The following COL11A2 variants were observed in gnomAD, a reference collection of about 807,000 sequenced individuals.
COL11A2 encodes the protein collagen alpha-2(XI) chain.
COL11A2 carries 116 observed loss-of-function variants against 273.4 expected under a neutral mutation model. The observed-to-expected ratio is 0.42, with a 90% CI of 0.36 to 0.49. COL11A2 has a LOEUF of 0.49. COL11A2 is among the 20% of genes least tolerant of loss of function. COL11A2 has a pLI of 0.00. For synonymous variants in COL11A2, 782 were observed against 864.2 expected, an observed-to-expected ratio of 0.90 and a Z score of 1.67; for missense variants, 1,866 against 2,309.0, an observed-to-expected ratio of 0.81 and a Z score of 3.93.
At position 33,189,748 on chromosome 6, in the gene COL11A2, A is replaced by G. The variant is rs1351443190; in HGVS notation, c.83-279T>C. Among the ~76,000 whole-genome samples the G allele has an allele frequency of 6.6e-6, 1 of 152,120 alleles. No homozygotes were observed. The highest frequency in any genetic ancestry group is 6.5e-5 in the Admixed American group (1 of 15,278). On this transcript the variant is annotated intron_variant, in intron 1 of 65. Transcript: ENST00000341947. The surrounding 1 kb of genome is among the most constrained non-coding windows in gnomAD (Gnocchi z 5.6). ...ACGCTCTCTCTTTGTCTTTTAGCTT[A>G]TGAATCTGTCTCTCTCTGTACTCTC...
In COL11A2 at chr6:33,167,727, T is replaced by C. The variant is rs765775653; in HGVS notation, c.4014+72A>G. The C allele has an allele frequency of 1.6e-5, 26 of 1,576,288 alleles. No individual in the cohort carries two copies. Among genetic ancestry groups the C allele is most frequent in the Non-Finnish European group, 2.3e-5 (26 of 1,150,752 alleles). Reference sequence around the variant, plus strand: ...GGGAGAGGTGGAGATGGGGTGGGCATCTGGAGACGGAGGCATCTGAGGGGT... The same window carrying C: ...GGGAGAGGTGGAGATGGGGTGGGCACCTGGAGACGGAGGCATCTGAGGGGT... On this transcript the variant is annotated intron_variant, in intron 55 of 65. Coordinates refer to ENST00000341947, the MANE Select transcript of COL11A2 (RefSeq NM_080680.3). The surrounding 1 kb of genome is among the most constrained non-coding windows in gnomAD (Gnocchi z 6.1).
rs779852382 is a variant in COL11A2, at chr6:33,169,056, A to G, written c.3799-48T>C. ...GTCAGGGTCACAGCTCCCTAAGCCC[A>G]CCCAGCACAGACGCCCACAGGCACA... is the stretch of plus-strand genomic sequence containing the variant. On this transcript the variant is annotated intron_variant, in intron 51 of 65. Coordinates refer to ENST00000341947, the MANE Select transcript of COL11A2 (RefSeq NM_080680.3). The surrounding 1 kb of genome is among the most constrained non-coding windows in gnomAD (Gnocchi z 5.5). 34 of 1,551,906 alleles carry G rather than the reference A, an allele frequency of 2.2e-5. No homozygotes were observed. The highest frequency in any genetic ancestry group is 2.8e-5 in the Non-Finnish European group (32 of 1,147,200).
chr6:33,180,662 C>T lies in COL11A2; in HGVS notation c.1284+6G>A, dbSNP rs763765791. 6 of 1,604,396 alleles carry T rather than the reference C, an allele frequency of 3.7e-6. No individual in the cohort carries two copies. Among genetic ancestry groups the T allele is most frequent in the South Asian group, 2.2e-5 (2 of 89,616 alleles). ...CTCCCCCGTCACATGGAGGACACCC[C>T]CTTACCCTCTCTCCAGGGTCTCCAA... On this transcript the variant is annotated splice_donor_region_variant and intron_variant, in intron 11 of 65. Coordinates refer to ENST00000341947, the MANE Select transcript of COL11A2 (RefSeq NM_080680.3).
rs746790889 is a variant in COL11A2, at chr6:33,173,570, G to C, written c.2629-15C>G. On this transcript the variant is annotated splice_polypyrimidine_tract_variant and intron_variant, in intron 35 of 65. Coordinates refer to ENST00000341947, the MANE Select transcript of COL11A2 (RefSeq NM_080680.3). The surrounding 1 kb of genome is among the most constrained non-coding windows in gnomAD (Gnocchi z 6.3). ...CCAGGGAGGCCCTAGAGACAGAGGT[G>C]GGGGGAGTCAGGAGAATGGGGGCAG... 26 of 1,479,708 alleles carry C rather than the reference G, an allele frequency of 1.8e-5. No individual in the cohort carries two copies. In the Admixed American group the frequency reaches 2.3e-4, roughly 13 times the overall value. 91.7% of individuals were successfully genotyped at this position (1,479,708 alleles called of 1,614,324 possible).
intron 7 of COL11A2, among the ~76,000 whole-genome samples, 190 bp downstream of exon 7, chr6:33,184,802 C>T (rs567780303): frequency 7.9e-5 from 12 of 152,262 alleles, no homozygotes; most frequent in East Asian, 7.7e-4. Flanking sequence ...CTGAAGGGAA[C>T]GGGCTGGACT....
rs1771449333 is a variant in COL11A2 at position 33,179,634 on chromosome 6, G to A, written c.1446+85C>T. ...TCCCTGTTAACCCCAAACCAACCCA[G>A]GCCTCCCCTGCCGCACACTCACTCC... On this transcript the variant is annotated intron_variant, in intron 13 of 65. Transcript: ENST00000341947. The surrounding 1 kb of genome is among the most constrained non-coding windows in gnomAD (Gnocchi z 6.4). 1.3e-6 allele frequency: 2 copies of A among 1,536,210 alleles called. No homozygotes were observed. Among genetic ancestry groups the A allele is most frequent in the South Asian group, 2.3e-5 (2 of 88,152 alleles).
rs1768758149 is a variant in COL11A2, at chr6:33,164,307, T to G, written c.5030A>C (p.Glu1677Ala). Residue 1677 changes from glutamate (E) to alanine (A), a missense_variant, in exon 65 of 66, where the codon GAG becomes GCG. By Grantham distance (107) the Glu-to-Ala change is moderately radical. Transcript: ENST00000341947. This position sits in a 1 kb window ranked among gnomAD's most constrained non-coding sequence, Gnocchi z 4.7. ...RGANEDELSPETSPYVKEFRD... is the reference protein window; with the variant it reads ...RGANEDELSPATSPYVKEFRD... ...GAATTCTTTGACATAGGGGCTAGTC[T>G]CCGGGCTCAGCTCATCCTCATTGGC... The G allele has an allele frequency of 6.2e-7, 1 of 1,612,822 alleles. No homozygotes were observed. Among genetic ancestry groups the G allele is most frequent in the African/African-American group, 1.3e-5 (1 of 74,896 alleles).
chr6:33,184,246 G>C lies in COL11A2; in HGVS notation c.1018C>G (p.Pro340Ala), dbSNP rs748125340. ...EEYGEGGTDPPEGPYDYTYGY... is the reference protein window; with the variant it reads ...EEYGEGGTDPAEGPYDYTYGY... ...TAGGTGTAATCGTAGGGCCCTTCAG[G>C]GGGGTCTGTGCCACCCTCCCCATAT... The change falls in exon 8 of 66, where the codon CCT becomes GCT. Residue 340 changes from proline (P) to alanine (A), a missense_variant. Physicochemically the swap from Pro to Ala is conservative, Grantham distance 27 (BLOSUM62 -1). Transcript: ENST00000341947. 5.1e-6 allele frequency: 7 copies of C among 1,367,674 alleles called. No homozygotes were observed. Among genetic ancestry groups the C allele is most frequent in the Non-Finnish European group, 6.8e-6 (7 of 1,021,994 alleles). 84.7% of individuals were successfully genotyped at this position (1,367,674 alleles called of 1,614,324 possible).
At chr6:33,180,922 T>A in intron 10 of COL11A2, 42 bp downstream of exon 10, 1 of 1,611,444 alleles carries the variant, frequency 6.2e-7, no homozygotes, top group Non-Finnish European at 8.5e-7. Flanking sequence ...ATAGAAGGGG[T>A]TTCTAAGAAA....
In COL11A2 at chr6:33,177,652, C is replaced by T. The variant is rs759721474; in HGVS notation, c.1917+10G>A. 1.3e-5 allele frequency: 21 copies of T among 1,612,822 alleles called. No individual in the cohort carries two copies. The highest frequency in any genetic ancestry group is 1.7e-5 in the Admixed American group (1 of 60,006). The stretch of plus-strand genomic sequence containing the variant: ...AAGAATGGGGGTGGGATCTCCTATC[C>T]ATCACTCACCAAGCTCCCTTTGGGG... On this transcript the variant is annotated intron_variant, in intron 22 of 65. Coordinates refer to ENST00000341947, the MANE Select transcript of COL11A2 (RefSeq NM_080680.3). This position sits in a 1 kb window ranked among gnomAD's most constrained non-coding sequence, Gnocchi z 5.9.
At chr6:33,185,192 T>G in intron 6 of COL11A2, 138 bp from the exon 7 acceptor site, 15 of 713,726 alleles carry the variant, frequency 2.1e-5, no homozygotes, top group Non-Finnish European at 2.3e-5. Flanking sequence ...ATCTCAGATC[T>G]TGCAGCCCCT....
intron 54 of COL11A2, among the ~76,000 whole-genome samples, chr6:33,168,089 C>T (rs1360683267): frequency 1.3e-5 from 2 of 152,122 alleles, no homozygotes; most frequent in Non-Finnish European, 2.9e-5. Context: ...TACCTGGTGG[C>T]CCGTCTCCTG....
At chr6:33,181,239 C>T (rs536666426) in intron 8 of COL11A2, 69 bp from the exon 9 acceptor site, 2 of 1,500,682 alleles carry the variant, frequency 1.3e-6, no homozygotes, top group South Asian at 1.1e-5. Flanking sequence ...CTTTCTCCAT[C>T]TCAACTCCAA....
At position 33,184,166 on chromosome 6, in the gene COL11A2, C is replaced by T. The variant is rs73741539; in HGVS notation, c.1098G>A (p.Ala366=). The T allele has an allele frequency of 2.4e-3, 3,336 of 1,367,306 alleles. 16 individuals carry two copies. Among genetic ancestry groups the T allele is most frequent in the African/African-American group, 0.019 (1,269 of 67,842 alleles). The allele number at this position is 1,367,306 out of a possible 1,614,324, so 84.7% of individuals were successfully genotyped here. ...EETELGPALS[A]ETAHSGAAAH... ...TTACGGCTCCTGAGTGGGCTGTCTCCGCAGAGAGGGCAGGGCCAAGCTCTG... is the reference window on the plus strand; with the variant it reads ...TTACGGCTCCTGAGTGGGCTGTCTCTGCAGAGAGGGCAGGGCCAAGCTCTG... Residue 366 remains alanine, a synonymous_variant, in exon 8 of 66, where the codon GCG becomes GCA. Coordinates refer to ENST00000341947, the MANE Select transcript of COL11A2 (RefSeq NM_080680.3).
In COL11A2 at chr6:33,190,859, A is replaced by G. The variant is rs1323250540; in HGVS notation, c.82+1300T>C. On this transcript the variant is annotated intron_variant, in intron 1 of 65. Transcript: ENST00000341947. This position sits in a 1 kb window ranked among gnomAD's most constrained non-coding sequence, Gnocchi z 4.5. ...CTCCACCAAATCCCAAGGGAGTACA[A>G]TTCGATCATATGGACAACCTACCCA... Among the ~76,000 whole-genome samples, 1 of 151,898 alleles carries G rather than the reference A, an allele frequency of 6.6e-6. No homozygotes were observed.
chr6:33,172,619 C>A lies in COL11A2; in HGVS notation c.2809G>T (p.Gly937Cys). The A allele has an allele frequency of 6.2e-7, 1 of 1,612,492 alleles. No homozygotes were observed. Among genetic ancestry groups the A allele is most frequent in the African/African-American group, 1.3e-5 (1 of 74,968 alleles). Residue 937 changes from glycine to cysteine, a missense_variant, in exon 39 of 66, where the codon GGC becomes TGC. Gly to Cys is a radical substitution (Grantham distance 159). Coordinates refer to ENST00000341947, the MANE Select transcript of COL11A2 (RefSeq NM_080680.3). ...GGGTGACCTCTCTCCCCCATAGGGC[C>A]GGTTTCTCCTGCTGCTCCCTAGACA... ...VGPQGAAGET[G>C]PMGERGHPGP...
Position 33,170,469 on chromosome 6 carries a change from G to A in COL11A2, c.3528+88C>T, listed in dbSNP as rs1769877681. On this transcript the variant is annotated intron_variant, in intron 47 of 65. Coordinates refer to ENST00000341947, the MANE Select transcript of COL11A2 (RefSeq NM_080680.3). This position sits in a 1 kb window ranked among gnomAD's most constrained non-coding sequence, Gnocchi z 4.3. ...GAGAGGAGGAGGAGCAGCCAGGCCA[G>A]GGAGTTGGCAGTGGGGTGTGGGGTG... is the stretch of plus-strand genomic sequence containing the variant. 6.3e-7 allele frequency: 1 copy of A among 1,576,312 alleles called. No individual in the cohort carries two copies. Among genetic ancestry groups the A allele is most frequent in the South Asian group, 1.1e-5 (1 of 88,986 alleles).
At chr6:33,184,880 A>G in intron 7 of COL11A2, 112 bp downstream of exon 7, 3 of 879,984 alleles carry the variant, frequency 3.4e-6, no homozygotes, top group Non-Finnish European at 5.5e-6. Context: ...GAAATGAGGA[A>G]GAACCCTCCG....
Position 33,178,959 on chromosome 6 carries a change from A to G in COL11A2, c.1626T>C (p.Ala542=). The G allele has an allele frequency of 6.2e-7, 1 of 1,614,018 alleles. No homozygotes were observed. The highest frequency in any genetic ancestry group is 8.5e-7 in the Non-Finnish European group (1 of 1,179,960). The change falls in exon 17 of 66, where the codon GCT becomes GCC. Residue 542 remains alanine (A), a synonymous_variant. Coordinates refer to ENST00000341947, the MANE Select transcript of COL11A2 (RefSeq NM_080680.3). The surrounding 1 kb of genome is among the most constrained non-coding windows in gnomAD (Gnocchi z 4.6). ...CTCCAGGCATCCCTCGGGCTCCATC[A>G]GCACCTGCCCGGCCCTGGGAGAACA... ...GKAGRRGRAG[A]DGARGMPGDP... is the part of the protein sequence containing the mutation.
Sources: gnomAD v4.1 joint callset for allele counts (sites outside exome capture counted in the v4.1 genomes callset) on GRCh38, gnomAD v4.1.1 for gene constraint, Gnocchi (gnomAD v3.1) non-coding constraint, MANE v1.5 for transcripts, NCBI Gene and HGNC (gene_info 2026-07-23, HGNC 2026-07-21) for gene names.